Variants in FREM1 observed in about 807,000 individuals in gnomAD.
The protein encoded by FREM1 is FRAS1-related extracellular matrix protein 1.
In FREM1, 220 loss-of-function variants were observed where a neutral mutation model predicts 210.1. The observed-to-expected ratio is 1.05, with a 90% CI of 0.94 to 1.17. FREM1 has a LOEUF of 1.17. Ranked by LOEUF, FREM1 falls within the 50% of genes most tolerant of loss-of-function variation. FREM1 has a pLI of 0.00. For missense variants in FREM1, 3,454 were observed against 2,675.5 expected (o/e 1.29, Z -6.42); for synonymous variants, 1,189 against 980.2 (o/e 1.21, Z -3.98).
chr9:14,909,505 A>G (rs1818363759), intron 1 of FREM1, among the ~76,000 whole-genome samples: 1 of 152,152 alleles, frequency 6.6e-6, no homozygotes, highest in African/African-American at 2.4e-5. Flanking sequence ...ATCTCATCCA[A>G]ATTTCTCTAT....
chr9:14,808,435 T>C (rs948124454), intron 16 of FREM1, among the ~76,000 whole-genome samples: 1 of 152,184 alleles, frequency 6.6e-6, no homozygotes, highest in East Asian at 1.9e-4. Flanking sequence ...GGCACAAAGC[T>C]TCACTAGTGA....
intron 35 of FREM1, among the ~76,000 whole-genome samples, chr9:14,740,986 A>T (rs1180764542): frequency 2.0e-5 from 3 of 151,996 alleles, no homozygotes; most frequent in Non-Finnish European, 4.4e-5. Context: ...CTTTAAAAAT[A>T]AAAAAAACAG....
chr9:14,900,570 T>G (rs1277610963), intron 1 of FREM1, among the ~76,000 whole-genome samples: 1 of 151,016 alleles, frequency 6.6e-6, no homozygotes, highest in East Asian at 1.9e-4. Context: ...AGTGTGGTGG[T>G]GGTTGGTTGG....
intron 1 of FREM1, among the ~76,000 whole-genome samples, chr9:14,887,136 T>A (rs1318027721): frequency 6.6e-6 from 1 of 152,198 alleles, no homozygotes; most frequent in Non-Finnish European, 1.5e-5. Flanking sequence ...CAGAACTGTG[T>A]CCTCAGGGAA....
intron 35 of FREM1, among the ~76,000 whole-genome samples, chr9:14,744,104 A>G (rs898165500): frequency 1.3e-5 from 2 of 152,094 alleles, no homozygotes; most frequent in African/African-American, 4.8e-5. Flanking sequence ...CCAACTTATC[A>G]ACCAAAAAAA....
chr9:14,843,142 T>C (rs1825976520), intron 8 of FREM1, among the ~76,000 whole-genome samples: 1 of 152,224 alleles, frequency 6.6e-6, no homozygotes, highest in Admixed American at 6.5e-5. Flanking sequence ...AGGGGAATGC[T>C]CTGTCTCTTC....
At chr9:14,807,274 G>C (rs1334051984) in intron 17 of FREM1, among the ~76,000 whole-genome samples, 2 of 152,166 alleles carry the variant, frequency 1.3e-5, no homozygotes, top group Non-Finnish European at 2.9e-5. Context: ...ACCTCTGTTT[G>C]TCAGAGCGTT....
rs1036957778 is a variant in FREM1, at chr9:14,885,914, T to C, written c.-267-16670A>G. On this transcript the variant is annotated intron_variant, in intron 1 of 36. Coordinates refer to ENST00000380880, the MANE Select transcript of FREM1 (RefSeq NM_001379081.2). The stretch of plus-strand genomic sequence containing the variant: ...CTATACAATACAATGCTGTTAACTA[T>C]AGTAGTCATGTTGTACAATACATCT... 5.3e-5 allele frequency among the ~76,000 whole-genome samples: 8 copies of C among 152,218 alleles called. No homozygotes were observed. The South Asian group carries it at 6.2e-4, about 12-fold the overall frequency.
At position 14,737,561 on chromosome 9, in the gene FREM1, C is replaced by G. The variant is rs752037184; in HGVS notation, c.6375G>C (p.Glu2125Asp). Residue 2125 changes from glutamate to aspartate, a missense_variant, in exon 37 of 37, where the codon GAG becomes GAC. Glu to Asp is a conservative substitution (Grantham distance 45, BLOSUM62 2). Transcript: ENST00000380880. ...LNDQVHAGHW[E>D]WIGGEPVAFT... is the part of the protein sequence containing the mutation. ...AGGCAACAGGTTCACCACCGATCCA[C>G]TCCCAGTGGCCAGCATGCACTTGGT... The G allele has an allele frequency of 6.3e-7, 1 of 1,597,972 alleles. No homozygotes were observed. Among genetic ancestry groups the G allele is most frequent in the South Asian group, 1.1e-5 (1 of 88,446 alleles).
chr9:14,869,008 C>T lies in FREM1; in HGVS notation c.-31G>A, dbSNP rs746953422. On this transcript the variant is annotated 5_prime_UTR_variant, in exon 2 of 37. Transcript: ENST00000380880. ...CAGGGCCCAACTCTTCTCTGTCCACCGGCGAAATCCCTTTAACAAAGGAGG... is the reference window on the plus strand; with the variant it reads ...CAGGGCCCAACTCTTCTCTGTCCACTGGCGAAATCCCTTTAACAAAGGAGG... The T allele has an allele frequency of 1.8e-5, 26 of 1,444,464 alleles. No homozygotes were observed. The African/African-American group carries it at 2.4e-4, about 13-fold the overall frequency. The allele number at this position is 1,444,464 out of a possible 1,614,324, so 89.5% of individuals were successfully genotyped here.
intron 23 of FREM1, among the ~76,000 whole-genome samples, chr9:14,785,860 A>T (rs1329798287): frequency 6.6e-6 from 1 of 152,182 alleles, no homozygotes; most frequent in East Asian, 1.9e-4. Context: ...ACATGAATAT[A>T]TTTAACACTA....
chr9:14,804,089 CTT>C (rs1312877852), intron 19 of FREM1, among the ~76,000 whole-genome samples: 1 of 152,134 alleles, frequency 6.6e-6, no homozygotes, highest in Admixed American at 6.5e-5. Flanking sequence ...ATTATAATAA[CTT>C]AAACTAAAAC....
At chr9:14,755,047 G>A (rs1467838993) in intron 29 of FREM1, among the ~76,000 whole-genome samples, 2 of 152,134 alleles carry the variant, frequency 1.3e-5, no homozygotes, top group African/African-American at 2.4e-5. Context: ...GAATGCCAAC[G>A]TTTGCCACCC....
intron 1 of FREM1, among the ~76,000 whole-genome samples, chr9:14,890,777 G>A (rs1176636180): frequency 1.3e-5 from 2 of 152,178 alleles, no homozygotes; most frequent in Admixed American, 6.5e-5. Context: ...TTCAAAGGTA[G>A]AGAAAACTGA....
chr9:14,840,354 G>C (rs753984138), intron 10 of FREM1, among the ~76,000 whole-genome samples: 1 of 152,156 alleles, frequency 6.6e-6, no homozygotes, highest in Non-Finnish European at 1.5e-5. Context: ...TGCTGATAAA[G>C]ACATACCTGA....
intron 29 of FREM1, 114 bp downstream of exon 29, chr9:14,756,260 T>A: frequency 4.4e-5 from 33 of 742,540 alleles, no homozygotes; most frequent in Non-Finnish European, 8.8e-6. Context: ...CCCTGAGGAG[T>A]TTCTAGTTGG....
chr9:14,819,518 T>G, intron 13 of FREM1, 76 bp from the exon 14 acceptor site: 1 of 800,874 alleles, frequency 1.2e-6, no homozygotes. Context: ...TACATCACTG[T>G]AAAACTTCCA....
rs548693443 is a variant in FREM1 at position 14,868,724 on chromosome 9, A to G, written c.234+20T>C. The G allele has an allele frequency of 1.3e-6, 2 of 1,501,724 alleles. No individual in the cohort carries two copies. Among genetic ancestry groups the G allele is most frequent in the Non-Finnish European group, 1.8e-6 (2 of 1,085,516 alleles). 93.0% of individuals were successfully genotyped at this position (1,501,724 alleles called of 1,614,324 possible). A position where few individuals can be genotyped will look rare whatever the true frequency, so the allele number is the denominator to read the frequency against. On this transcript the variant is annotated intron_variant, in intron 2 of 36. Transcript: ENST00000380880. ...GCATTCATACACACGACTGAACAGA[A>G]AATCGCAGATAGGACCTACCTGTGG...
chr9:14,851,651 T>G, intron 5 of FREM1, 44 bp from the exon 6 acceptor site: 5 of 1,342,082 alleles, frequency 3.7e-6, no homozygotes, highest in Non-Finnish European at 5.4e-6. Flanking sequence ...ATAATATGAA[T>G]GAGGTGATAT....
Sources: gnomAD v4.1 joint callset for allele counts (sites outside exome capture counted in the v4.1 genomes callset) on GRCh38, gnomAD v4.1.1 for gene constraint, MANE v1.5 for transcripts, NCBI Gene and HGNC (gene_info 2026-07-23, HGNC 2026-07-21) for gene names.